CRISPLD2: variants seen among roughly 807,000 people sequenced by gnomAD.
The protein encoded by CRISPLD2 is cysteine rich secretory protein LCCL domain containing 2.
CRISPLD2 carries 47 observed loss-of-function variants against 71.1 expected under a neutral mutation model. The ratio of observed to expected loss-of-function variants is 0.66; its 90% CI spans 0.52 to 0.84. CRISPLD2 has a LOEUF of 0.84. CRISPLD2 is among the 40% of genes least tolerant of loss of function. The pLI, the probability that CRISPLD2 is intolerant of heterozygous loss-of-function variation, is 0.00. For synonymous variants in CRISPLD2, 317 were observed against 250.1 expected (o/e 1.27, Z -2.52); for missense variants, 830 against 651.1 (o/e 1.27, Z -2.99).
intron 6 of CRISPLD2, among the ~76,000 whole-genome samples, chr16:84,856,985 A>C (rs1211336864): frequency 6.6e-6 from 1 of 152,246 alleles, no homozygotes; most frequent in African/African-American, 2.4e-5. Context: ...CAGAGTAAGC[A>C]TGTGTTCCAG....
intron 11 of CRISPLD2, among the ~76,000 whole-genome samples, chr16:84,874,953 T>C (rs1403441116): frequency 1.3e-5 from 2 of 152,214 alleles, no homozygotes; most frequent in Non-Finnish European, 2.9e-5. Context: ...TAAATAATTA[T>C]GTGTCTGGCT....
intron 11 of CRISPLD2, 124 bp downstream of exon 11, chr16:84,874,087 A>C: frequency 1.2e-6 from 1 of 864,840 alleles, no homozygotes; most frequent in Non-Finnish European, 1.8e-6. Context: ...GGTTCTCATC[A>C]TTGTCAAGCC....
intron 1 of CRISPLD2, among the ~76,000 whole-genome samples, chr16:84,820,508 A>T (rs1177066789): frequency 1.3e-5 from 2 of 152,090 alleles, no homozygotes; most frequent in Non-Finnish European, 2.9e-5. Flanking sequence ...GATGGCATGG[A>T]TATGGCAGGC....
intron 4 of CRISPLD2, among the ~76,000 whole-genome samples, chr16:84,849,995 G>A (rs1214325176): frequency 6.6e-6 from 1 of 151,854 alleles, no homozygotes; most frequent in African/African-American, 2.4e-5. Context: ...CAAAGTGTTG[G>A]GATTACAGTT....
At chr16:84,832,434 G>T (rs774347361) in intron 1 of CRISPLD2, among the ~76,000 whole-genome samples, 1 of 152,382 alleles carries the variant, frequency 6.6e-6, no homozygotes, top group African/African-American at 2.4e-5. Flanking sequence ...CAAATCAGAC[G>T]TAGTCCTTAT....
intron 14 of CRISPLD2, among the ~76,000 whole-genome samples, chr16:84,901,911 A>G (rs2071758158): frequency 6.8e-6 from 1 of 147,082 alleles, no homozygotes; most frequent in Admixed American, 7.0e-5. Context: ...CTCCTGCCTC[A>G]GCCTCCCAAG....
intron 1 of CRISPLD2, chr16:84,829,217 A>C (rs1014846373): frequency 6.6e-6 from 1 of 152,412 alleles, no homozygotes; most frequent in Admixed American, 6.5e-5. Context: ...TGCAGGCAGC[A>C]GCTAGGGAAG....
At chr16:84,836,288 C>G (rs1298415582) in intron 1 of CRISPLD2, 2 of 152,212 alleles carry the variant, frequency 1.3e-5, no homozygotes, top group African/African-American at 4.8e-5. Context: ...CAACCTCAAC[C>G]CAGCGTCAGA....
rs145368506 is a variant in CRISPLD2, at chr16:84,838,597, G to A, written c.102G>A (p.Leu34=). Reference sequence around the variant, plus strand: ...CCAACGTCACTCTCTTAGAGGAGCTGCTCAGCAAATACCAGCACAACGAGT... The same window carrying A: ...CCAACGTCACTCTCTTAGAGGAGCTACTCAGCAAATACCAGCACAACGAGT... ...LLPNVTLLEE[L]LSKYQHNESH... The change falls in exon 2 of 15, where the codon CTG becomes CTA. Residue 34 remains leucine, a synonymous_variant. Transcript: ENST00000262424. 4.6e-5 allele frequency: 75 copies of A among 1,614,248 alleles called. No homozygotes were observed. The African/African-American group carries it at 8.9e-4, about 19-fold the overall frequency.
At chr16:84,833,570 G>C (rs1359740545) in intron 1 of CRISPLD2, among the ~76,000 whole-genome samples, 2 of 152,074 alleles carry the variant, frequency 1.3e-5, no homozygotes. Context: ...CACACCCTGG[G>C]TACCGAAGTG....
intron 2 of CRISPLD2, among the ~76,000 whole-genome samples, chr16:84,844,393 G>A (rs918882112): frequency 6.6e-6 from 1 of 152,194 alleles, no homozygotes; most frequent in African/African-American, 2.4e-5. Flanking sequence ...CCATTTTTAA[G>A]TGTGCAGTTC....
intron 3 of CRISPLD2, among the ~76,000 whole-genome samples, chr16:84,846,828 C>T (rs1056138595): frequency 1.3e-4 from 20 of 152,220 alleles, no homozygotes; most frequent in African/African-American, 4.8e-4. Flanking sequence ...TTTGTCCCCT[C>T]TCCCATAGGA....
rs773362508 is a variant in CRISPLD2, at chr16:84,880,563, T to G, written c.1284T>G (p.Phe428Leu). The change falls in exon 13 of 15, where the codon TTT becomes TTG. Residue 428 changes from phenylalanine to leucine, a missense_variant. By Grantham distance (22) the Phe-to-Leu change is conservative. Coordinates refer to ENST00000262424, the MANE Select transcript of CRISPLD2 (RefSeq NM_031476.4). Reference protein sequence around the residue: ...KDEPSYWAPVFGTNIYADTSS... With the variant: ...KDEPSYWAPVLGTNIYADTSS... ...AACCTTCCTACTGGGCTCCGGTGTTTGGAACCAACATCTATGCAGATGTGA... is the reference window on the plus strand; with the variant it reads ...AACCTTCCTACTGGGCTCCGGTGTTGGGAACCAACATCTATGCAGATGTGA... 3.1e-6 allele frequency: 5 copies of G among 1,613,958 alleles called. No homozygotes were observed. The highest frequency in any genetic ancestry group is 4.2e-6 in the Non-Finnish European group (5 of 1,179,868).
At chr16:84,884,366 A>G (rs933845798) in intron 13 of CRISPLD2, among the ~76,000 whole-genome samples, 3 of 152,194 alleles carry the variant, frequency 2.0e-5, no homozygotes, top group Non-Finnish European at 4.4e-5. Context: ...TCACTGTGTC[A>G]ATGCACGTGA....
chr16:84,905,691 C>A (rs1048104897), intron 14 of CRISPLD2, among the ~76,000 whole-genome samples: 2 of 138,104 alleles, frequency 1.4e-5, no homozygotes, highest in Non-Finnish European at 3.0e-5. Flanking sequence ...AGCCACCGTG[C>A]CTGACCAATA....
intron 1 of CRISPLD2, among the ~76,000 whole-genome samples, chr16:84,828,744 C>G (rs967217713): frequency 1.3e-4 from 19 of 151,404 alleles, no homozygotes; most frequent in East Asian, 1.9e-4. Context: ...CTTTTCAGTT[C>G]TTTTTTTTTC....
chr16:84,881,613 A>G (rs926505056), intron 13 of CRISPLD2, among the ~76,000 whole-genome samples: 1 of 150,304 alleles, frequency 6.7e-6, no homozygotes, highest in Non-Finnish European at 1.5e-5. Flanking sequence ...TTAGGGCAGC[A>G]TCATTCATCT....
chr16:84,845,378 A>T (rs1387747411), intron 2 of CRISPLD2, among the ~76,000 whole-genome samples: 1 of 152,056 alleles, frequency 6.6e-6, no homozygotes, highest in South Asian at 2.1e-4. Context: ...TGTGCCTGGA[A>T]CATGCATAAG....
At chr16:84,874,869 T>G (rs2071504234) in intron 11 of CRISPLD2, among the ~76,000 whole-genome samples, 1 of 152,216 alleles carries the variant, frequency 6.6e-6, no homozygotes, top group Admixed American at 6.5e-5. Context: ...GTATGTACAT[T>G]GGTAATATAT....
Sources: allele counts gnomAD v4.1 joint callset (sites outside exome capture counted in the v4.1 genomes callset), GRCh38; gene constraint gnomAD v4.1.1; transcripts MANE v1.5; gene names NCBI Gene and HGNC (gene_info 2026-07-23, HGNC 2026-07-21).